Variants in AMOTL1 observed in about 807,000 individuals in gnomAD.
AMOTL1 encodes angiomotin like 1, also known as angiomotin-like protein 1.
Under a neutral mutation model 102.9 loss-of-function variants are expected in AMOTL1, and 45 were observed. The ratio of observed to expected loss-of-function variants is 0.44; its 90% confidence interval spans 0.34 to 0.56. The LOEUF is 0.56. Among genes scored for constraint, AMOTL1 ranks in the 20% least tolerant of loss-of-function variants. The pLI is 0.01. For missense variants in AMOTL1, 1,114 were observed against 1,225.6 expected (o/e 0.91, Z 1.36); for synonymous variants, 481 against 484.7 (o/e 0.99, Z 0.10).
intron 9 of AMOTL1, among the ~76,000 whole-genome samples, chr11:94,862,565 CT>C (rs1445951375): frequency 6.6e-6 from 1 of 152,138 alleles, no homozygotes. Flanking sequence ...GTCAGCTTAT[CT>C]TTTATGTGTG....
intron 1 of AMOTL1, among the ~76,000 whole-genome samples, chr11:94,721,573 G>T (rs911739133): frequency 6.6e-6 from 1 of 152,074 alleles, no homozygotes; most frequent in African/African-American, 2.4e-5. Flanking sequence ...AGAGTCCAGA[G>T]TGCTCTGTCT....
chr11:94,803,976 CT>C (rs1951525520), intron 3 of AMOTL1, among the ~76,000 whole-genome samples: 1 of 152,088 alleles, frequency 6.6e-6, no homozygotes, highest in African/African-American at 2.4e-5. Flanking sequence ...GTATCACAAG[CT>C]TTTTTCCACA....
intron 3 of AMOTL1, among the ~76,000 whole-genome samples, chr11:94,803,574 T>TA (rs1195116452): frequency 1.1e-4 from 16 of 152,190 alleles, no homozygotes; most frequent in African/African-American, 3.9e-4. Flanking sequence ...AACAGGTTGT[T>TA]ACTGTGGAGA....
intron 3 of AMOTL1, among the ~76,000 whole-genome samples, chr11:94,761,759 G>A (rs1007738389): frequency 6.6e-6 from 1 of 152,182 alleles, no homozygotes; most frequent in Non-Finnish European, 1.5e-5. Flanking sequence ...AGTGTCTGGA[G>A]CCATTAGGAA....
chr11:94,860,060 A>G (rs1198714117), intron 9 of AMOTL1, among the ~76,000 whole-genome samples: 1 of 152,246 alleles, frequency 6.6e-6, no homozygotes, highest in East Asian at 1.9e-4. Context: ...GAGGAGGTTC[A>G]TTTAATAATT....
In AMOTL1 at chr11:94,866,039, A is replaced by C. The variant is rs1952875657; in HGVS notation, c.2359A>C (p.Ser787Arg). 6.2e-7 allele frequency: 1 copy of C among 1,613,852 alleles called. No individual in the cohort carries two copies. The highest frequency in any genetic ancestry group is 1.1e-5 in the South Asian group (1 of 91,078). ...AGATGCCGGGAAGACAGACTCCTCC[A>C]GCCTACGTCCTGCCCGCTCCGTTCC... Reference protein sequence around the residue: ...RKDAGKTDSSSLRPARSVPSI... With the variant: ...RKDAGKTDSSRLRPARSVPSI... The change falls in exon 11 of 13, where the codon AGC becomes CGC. Residue 787 changes from serine (S) to arginine (R), a missense_variant. Coordinates refer to ENST00000433060, the MANE Select transcript of AMOTL1 (RefSeq NM_130847.3).
chr11:94,719,595 A>G (rs1306413202), intron 1 of AMOTL1, among the ~76,000 whole-genome samples: 1 of 151,826 alleles, frequency 6.6e-6, no homozygotes, highest in Admixed American at 6.6e-5. Flanking sequence ...TGTGAGAGAG[A>G]GAGAGATTTA....
chr11:94,866,009 C>T lies in AMOTL1; in HGVS notation c.2329C>T (p.Arg777Cys), dbSNP rs749345731. The change falls in exon 11 of 13, where the codon CGT becomes TGT. Residue 777 changes from arginine to cysteine, a missense_variant. Coordinates refer to ENST00000433060, the MANE Select transcript of AMOTL1 (RefSeq NM_130847.3). ...GATTAAGGTCCTGCAGCAGCGATCTCGTAAAGATGCCGGGAAGACAGACTC... is the reference window on the plus strand; with the variant it reads ...GATTAAGGTCCTGCAGCAGCGATCTTGTAAAGATGCCGGGAAGACAGACTC... ...AMIKVLQQRS[R>C]KDAGKTDSSS... The T allele has an allele frequency of 6.2e-7, 1 of 1,613,950 alleles. No homozygotes were observed. The highest frequency in any genetic ancestry group is 8.5e-7 in the Non-Finnish European group (1 of 1,179,890).
intron 1 of AMOTL1, among the ~76,000 whole-genome samples, chr11:94,771,502 A>C (rs993032536): frequency 6.6e-6 from 1 of 151,972 alleles, no homozygotes; most frequent in African/African-American, 2.4e-5. Context: ...TTGTGGTTTT[A>C]TGTTTTGTTT....
intron 1 of AMOTL1, among the ~76,000 whole-genome samples, chr11:94,712,962 A>G (rs1244898782): frequency 1.3e-5 from 2 of 152,072 alleles, no homozygotes; most frequent in East Asian, 1.9e-4. Flanking sequence ...TTATAGTTTT[A>G]TACTTCACAT....
intron 6 of AMOTL1, among the ~76,000 whole-genome samples, chr11:94,831,987 G>T (rs370067688): frequency 2.3e-4 from 35 of 152,154 alleles, no homozygotes; most frequent in African/African-American, 8.4e-4. Flanking sequence ...CTAAGTGATC[G>T]CATTATATAT....
chr11:94,800,293 C>T lies in AMOTL1; in HGVS notation c.1103C>T (p.Pro368Leu). 6.8e-6 allele frequency: 11 copies of T among 1,608,676 alleles called. No individual in the cohort carries two copies. Among genetic ancestry groups the T allele is most frequent in the Non-Finnish European group, 9.3e-6 (11 of 1,177,554 alleles). Residue 368 changes from proline (P) to leucine (L), a missense_variant, in exon 3 of 13, where the codon CCT becomes CTT. Coordinates refer to ENST00000433060, the MANE Select transcript of AMOTL1 (RefSeq NM_130847.3). The part of the protein sequence containing the change: ...DVAVLRYQPP[P>L]EYGVTSRPCQ... ...GCCGTCCTGCGGTACCAGCCACCCC[C>T]TGAGTATGGGGTAACGAGGTGATTA...
chr11:94,729,676 G>C (rs558046114), intron 2 of AMOTL1, among the ~76,000 whole-genome samples: 2 of 152,238 alleles, frequency 1.3e-5, no homozygotes, highest in South Asian at 2.1e-4. Context: ...AAATCTGATA[G>C]AGACCTACTT....
At chr11:94,865,441 C>A (rs1952861408) in intron 10 of AMOTL1, among the ~76,000 whole-genome samples, 1 of 152,164 alleles carries the variant, frequency 6.6e-6, no homozygotes, top group African/African-American at 2.4e-5. Context: ...GATAGATAGG[C>A]TCAGTGAGTT....
intron 1 of AMOTL1, among the ~76,000 whole-genome samples, chr11:94,776,607 G>A (rs1038294152): frequency 1.3e-5 from 2 of 152,170 alleles, no homozygotes; most frequent in African/African-American, 2.4e-5. Flanking sequence ...CTCTGCACAC[G>A]CCCTGTGGCC....
intron 6 of AMOTL1, 106 bp from the exon 7 acceptor site, chr11:94,850,008 T>A: frequency 2.3e-6 from 3 of 1,306,884 alleles, no homozygotes; most frequent in Non-Finnish European, 3.1e-6. Flanking sequence ...TCCTCCATTA[T>A]TTGCATGCTT....
At chr11:94,808,965 CTTT>C (rs199619372) in intron 3 of AMOTL1, among the ~76,000 whole-genome samples, 3 of 111,892 alleles carry the variant, frequency 2.7e-5, no homozygotes, top group African/African-American at 1.1e-4. Context: ...TTCTTTCTTT[CTTT>C]TTTTTTTTTT....
At position 94,768,381 on chromosome 11, in the gene AMOTL1, G is replaced by C; in HGVS notation, c.-131G>C. On this transcript the variant is annotated 5_prime_UTR_variant, in exon 1 of 13. Transcript: ENST00000433060. Reference sequence around the variant, plus strand: ...AGCGCGCGAGAAGCTCTAGGACCCAGCAGCGGTTGTCGGGTTTGGGGCTGG... The same window carrying C: ...AGCGCGCGAGAAGCTCTAGGACCCACCAGCGGTTGTCGGGTTTGGGGCTGG... 6.7e-7 allele frequency: 1 copy of C among 1,497,720 alleles called. No homozygotes were observed. The highest frequency in any genetic ancestry group is 8.9e-7 in the Non-Finnish European group (1 of 1,123,842). 92.8% of individuals were successfully genotyped at this position (1,497,720 alleles called of 1,614,324 possible).
chr11:94,735,791 T>C (rs1231420926), intron 2 of AMOTL1, among the ~76,000 whole-genome samples: 1 of 152,196 alleles, frequency 6.6e-6, no homozygotes, highest in African/African-American at 2.4e-5. Flanking sequence ...AAGGAGACTT[T>C]TATTTTTCAG....
Sources: gnomAD v4.1 joint callset for allele counts (sites outside exome capture counted in the v4.1 genomes callset) on GRCh38, gnomAD v4.1.1 for gene constraint, MANE v1.5 for transcripts, NCBI Gene and HGNC (gene_info 2026-07-23, HGNC 2026-07-21) for gene names.